BBIP1: variants seen among roughly 807,000 people sequenced by gnomAD.
The protein encoded by BBIP1 is BBSome interacting protein 1, also known as BBSome-interacting protein 1.
Under a neutral mutation model 8.9 loss-of-function variants are expected in BBIP1, and 6 were observed. The ratio of observed to expected loss-of-function variants is 0.67; its 90% CI spans 0.37 to 1.33. BBIP1 has a LOEUF of 1.33. Ranked by LOEUF, BBIP1 falls within the 40% of genes most tolerant of loss-of-function variation. The pLI, the probability that BBIP1 is intolerant of heterozygous loss-of-function variation, is 0.02. For missense variants in BBIP1, 111 were observed against 109.2 expected, an observed-to-expected ratio of 1.02 and a Z score of -0.07; for synonymous variants, 32 against 33.4, an observed-to-expected ratio of 0.96 and a Z score of 0.14.
At chr10:110,901,869 A>T in intron 2 of BBIP1, 1 of 415,672 alleles carries the variant, frequency 2.4e-6, no homozygotes, top group Non-Finnish European at 4.4e-6. Flanking sequence ...CATAGTGAAA[A>T]CTTGGTAGAG....
intron 2 of BBIP1, among the ~76,000 whole-genome samples, chr10:110,913,467 T>G (rs1846324672): frequency 6.6e-6 from 1 of 152,250 alleles, no homozygotes; most frequent in South Asian, 2.1e-4. Flanking sequence ...TTTAAAAACC[T>G]GTTTCACTTA....
At chr10:110,905,968 C>T (rs916145771) in intron 2 of BBIP1, among the ~76,000 whole-genome samples, 4 of 150,158 alleles carry the variant, frequency 2.7e-5, no homozygotes, top group African/African-American at 9.8e-5. Flanking sequence ...ACCTCTATTT[C>T]CAACCCACTT....
At position 110,900,188 on chromosome 10, in the gene BBIP1, A is replaced by C. The variant is rs74378684; in HGVS notation, c.*172T>G. 3.9e-3 allele frequency: 2,539 copies of C among 651,518 alleles called. 56 individuals carry two copies. In the African/African-American group the frequency reaches 0.043, roughly 11 times the overall value. 40.4% of individuals were successfully genotyped at this position (651,518 alleles called of 1,614,324 possible). A position where few individuals can be genotyped will look rare whatever the true frequency, so the allele number is the denominator to read the frequency against. ...ACTGTTTATGTTCAATACAAACCAGAGTGTTTACATTCACAATACAAATTT... is the reference window on the plus strand; with the variant it reads ...ACTGTTTATGTTCAATACAAACCAGCGTGTTTACATTCACAATACAAATTT... On this transcript the variant is annotated 3_prime_UTR_variant, in exon 4 of 4. Coordinates refer to ENST00000448814, the MANE Select transcript of BBIP1 (RefSeq NM_001195305.3).
At chr10:110,904,874 CATTAA>C (rs1846092601) in intron 2 of BBIP1, 1 of 152,148 alleles carries the variant, frequency 6.6e-6, no homozygotes, top group Admixed American at 6.5e-5. Flanking sequence ...TAAGAGAAAA[CATTAA>C]ATTACAGAAA....
rs573881954 is a variant in BBIP1 at position 110,911,459 on chromosome 10, C to T, written c.37+6662G>A. 3.3e-5 allele frequency: 5 copies of T among 151,986 alleles called. No individual in the cohort carries two copies. The East Asian group carries it at 5.8e-4, about 18-fold the overall frequency. The allele number at this position is 151,986 out of a possible 1,614,324, so 9.4% of individuals were successfully genotyped here. A position where few individuals can be genotyped will look rare whatever the true frequency, so the allele number is the denominator to read the frequency against. On this transcript the variant is annotated intron_variant, in intron 2 of 3. Transcript: ENST00000448814. ...AACAATAGCAACACAGTGTTTAGTA[C>T]GAAGTCATGCATGTATTTCAACTAA...
Position 110,901,605 on chromosome 10 carries a change from G to GT in BBIP1, c.44dup (p.Asn15LysfsTer38). ...CCATATCTGAGTTGTTGGATATAGT[G>GT]TTTTTTCCTTCAATGAGAAATCAGT... is the stretch of plus-strand genomic sequence containing the variant. On this transcript the variant is annotated frameshift_variant, in exon 3 of 4. Coordinates refer to ENST00000448814, the MANE Select transcript of BBIP1 (RefSeq NM_001195305.3). LOFTEE classifies it high-confidence loss of function. 2 of 1,534,348 alleles carry GT rather than the reference G, an allele frequency of 1.3e-6. No individual in the cohort carries two copies. The highest frequency in any genetic ancestry group is 1.7e-4 in the Middle Eastern group (1 of 5,984).
chr10:110,904,423 AT>A (rs1846081414), intron 2 of BBIP1: 1 of 152,342 alleles, frequency 6.6e-6, no homozygotes, highest in Non-Finnish European at 1.5e-5. Context: ...GGGGGGTGGT[AT>A]TTCAGTTTTA....
At position 110,907,682 on chromosome 10, in the gene BBIP1, C is replaced by A. The variant is rs751334242; in HGVS notation, c.38-6070G>T. ...TCTGAAAAGTGATTGTTCTTAACCT[C>A]GCTTGCTTGTATACCCCTCCGATTG... On this transcript the variant is annotated intron_variant, in intron 2 of 3. Transcript: ENST00000448814. 4.8e-5 allele frequency: 33 copies of A among 681,312 alleles called. No individual in the cohort carries two copies. Among genetic ancestry groups the A allele is most frequent in the African/African-American group, 1.1e-4 (6 of 55,896 alleles). The allele number at this position is 681,312 out of a possible 1,614,324, so 42.2% of individuals were successfully genotyped here.
chr10:110,907,466 T>A (rs115356675), intron 2 of BBIP1: 12 of 377,750 alleles, frequency 3.2e-5, no homozygotes, highest in Non-Finnish European at 5.1e-5. Flanking sequence ...TGAGATATGA[T>A]CACGCCACTG....
At chr10:110,910,303 GTACAGTGTGCA>G (rs1203036315) in intron 2 of BBIP1, among the ~76,000 whole-genome samples, 1 of 152,198 alleles carries the variant, frequency 6.6e-6, no homozygotes, top group Non-Finnish European at 1.5e-5. Flanking sequence ...TGCAGTGTGT[GTACAGTGTGCA>G]TACAGTGTGC....
intron 3 of BBIP1, chr10:110,901,269 A>T: frequency 2.3e-6 from 1 of 436,344 alleles, no homozygotes; most frequent in Non-Finnish European, 4.3e-6. Context: ...TGGCAGAGTG[A>T]CAACCTGTCT....
chr10:110,915,035 T>C (rs1846367172), intron 2 of BBIP1, among the ~76,000 whole-genome samples: 2 of 152,248 alleles, frequency 1.3e-5, no homozygotes, highest in Non-Finnish European at 2.9e-5. Context: ...TTTGATACTT[T>C]ACAGAGTGCT....
chr10:110,905,061 G>A (rs544438026), intron 2 of BBIP1: 1 of 152,310 alleles, frequency 6.6e-6, no homozygotes, highest in South Asian at 2.1e-4. Flanking sequence ...TAGTTTTGAT[G>A]AACAGTGCAT....
chr10:110,917,919 AAC>A, intron 2 of BBIP1, 200 bp downstream of exon 2: 1 of 594,206 alleles, frequency 1.7e-6, no homozygotes, highest in South Asian at 2.1e-5. Context: ...AGAATCTGGA[AAC>A]ACATCTCCAC....
At position 110,900,495 on chromosome 10, in the gene BBIP1, C is replaced by T. The variant is rs1845966675; in HGVS notation, c.144G>A (p.Met48Ile). The T allele has an allele frequency of 6.5e-7, 1 of 1,534,188 alleles. No homozygotes were observed. The highest frequency in any genetic ancestry group is 8.7e-7 in the Non-Finnish European group (1 of 1,146,058). Residue 48 changes from methionine to isoleucine, a missense_variant, in exon 4 of 4, where the codon ATG becomes ATA. By Grantham distance (10) the Met-to-Ile change is conservative (BLOSUM62 1). Coordinates refer to ENST00000448814, the MANE Select transcript of BBIP1 (RefSeq NM_001195305.3). ...GTAAAAGTTTGGGTTTACACAGCAC[C>T]ATTGTCATTATATCTTCCACAAACA... ...GPLFVEDIMT[M>I]VLCKPKLLPL...
At chr10:110,904,181 A>AGATG (rs1846075374) in intron 2 of BBIP1, 2 of 152,266 alleles carry the variant, frequency 1.3e-5, no homozygotes, top group South Asian at 4.1e-4. Flanking sequence ...AGGGAGAAAC[A>AGATG]TAACAGCTAT....
chr10:110,901,687 A>ACTC, intron 2 of BBIP1, 75 bp from the exon 3 acceptor site: 1 of 1,187,430 alleles, frequency 8.4e-7, no homozygotes, highest in Non-Finnish European at 1.2e-6. Flanking sequence ...ATTGTAGTTT[A>ACTC]AGAAGTAAAA....
At chr10:110,901,135 G>A (rs942815254) in intron 3 of BBIP1, 3 of 455,294 alleles carry the variant, frequency 6.6e-6, no homozygotes, top group Non-Finnish European at 4.4e-6. Context: ...ACAAAAATAA[G>A]AACAAATTAG....
At chr10:110,903,912 T>A (rs1590748678) in intron 2 of BBIP1, 1 of 152,246 alleles carries the variant, frequency 6.6e-6, no homozygotes, top group East Asian at 1.9e-4. Context: ...CACAATATCA[T>A]GAGCATTACA....
Sources: allele counts gnomAD v4.1 joint callset (sites outside exome capture counted in the v4.1 genomes callset), GRCh38; gene constraint gnomAD v4.1.1; transcripts MANE v1.5; gene names NCBI Gene and HGNC (gene_info 2026-07-23, HGNC 2026-07-21).